The following IDI1 variants were observed in gnomAD, a reference collection of about 807,000 sequenced individuals.
The protein encoded by IDI1 is isopentenyl-diphosphate Delta-isomerase 1.
IDI1 carries 23 observed loss-of-function variants against 32.9 expected under a neutral mutation model. That is an observed-to-expected ratio of 0.70 (90% CI 0.50 to 0.99). The LOEUF (loss-of-function observed/expected upper bound fraction) is 0.99, where lower values mean the gene tolerates loss of function less well. Ranked by LOEUF, IDI1 falls within the 50% of genes least tolerant of loss-of-function variation. The pLI is 0.00. For synonymous variants in IDI1, 133 were observed against 128.2 expected, an observed-to-expected ratio of 1.04 and a Z score of -0.25; for missense variants, 326 against 351.9, an observed-to-expected ratio of 0.93 and a Z score of 0.59.
upstream of IDI1, among the ~76,000 whole-genome samples, chr10:1,049,813 C>T (rs1452241066): frequency 6.6e-6 from 1 of 152,154 alleles, no homozygotes; most frequent in Non-Finnish European, 1.5e-5. Context: ...CGCCACCACG[C>T]CCGGCTTATT....
At position 1,044,111 on chromosome 10, in the gene IDI1, G is replaced by C; in HGVS notation, c.201C>G (p.Asp67Glu). ...CTGCCAGGAGTTGAACCTGTTGCTT[G>C]TCGAGGTGGTTAGTGTTTATTTCAG... ...MMPEINTNHL[D>E]KQQVQLLAEM... The change falls in exon 2 of 5, where the codon GAC becomes GAG. Residue 67 changes from aspartate (D) to glutamate (E), a missense_variant. This residue lies in a region of IDI1 where 205 missense variants were observed against 273.5 expected (regional missense o/e 0.75). Transcript: ENST00000381344. 1.9e-6 allele frequency: 3 copies of C among 1,613,642 alleles called. No individual in the cohort carries two copies. The highest frequency in any genetic ancestry group is 1.7e-6 in the Non-Finnish European group (2 of 1,179,576).
chr10:1,056,532 C>G, the IDI1 span: 3 of 152,154 alleles, frequency 2.0e-5, no homozygotes, highest in East Asian at 5.8e-4. Context: ...GGCTGCCGGG[C>G]TACGGGGCAG....
intron 1 of IDI1, among the ~76,000 whole-genome samples, chr10:1,047,849 TAA>T (rs1431093795): frequency 6.6e-6 from 1 of 152,270 alleles, no homozygotes; most frequent in South Asian, 2.1e-4. Flanking sequence ...GTTTACAGAA[TAA>T]GTCTGTATAT....
At chr10:1,050,281 GTTTTATGTGTTGACAGATCTC>G (rs1259972378), upstream of IDI1, among the ~76,000 whole-genome samples, 2 of 152,138 alleles carry the variant, frequency 1.3e-5, no homozygotes, top group Non-Finnish European at 2.9e-5. Flanking sequence ...CTTTGATTTT[GTTTTATGTGTTGACAGATCTC>G]TTTCATGTCT....
chr10:1,051,110 G>A (rs563602205), upstream of IDI1, among the ~76,000 whole-genome samples: 16 of 152,242 alleles, frequency 1.1e-4, no homozygotes, highest in African/African-American at 3.9e-4. Context: ...TTTCCTGTGC[G>A]TGATGTTGAA....
intron 1 of IDI1, chr10:1,048,225 G>A: frequency 1.5e-6 from 2 of 1,298,546 alleles, no homozygotes; most frequent in Non-Finnish European, 2.0e-6. Flanking sequence ...ATAATCACAA[G>A]ATAAAATGAA....
intron 1 of IDI1, among the ~76,000 whole-genome samples, chr10:1,045,483 C>A (rs919511615): frequency 3.9e-5 from 6 of 152,074 alleles, no homozygotes; most frequent in Non-Finnish European, 7.4e-5. Flanking sequence ...TTTTTTGTTT[C>A]TGAGAGGGAG....
intron 1 of IDI1, among the ~76,000 whole-genome samples, chr10:1,044,548 G>A (rs564711321): frequency 1.4e-4 from 21 of 152,252 alleles, no homozygotes; most frequent in African/African-American, 5.1e-4. Flanking sequence ...GTAATCTCTA[G>A]AATGTGCTCC....
At chr10:1,052,007 G>C (rs1833026196), upstream of IDI1, among the ~76,000 whole-genome samples, 1 of 152,132 alleles carries the variant, frequency 6.6e-6, no homozygotes, top group African/African-American at 2.4e-5. Flanking sequence ...TGAGTAGCTG[G>C]CACTATGGGC....
At chr10:1,043,178 T>C (rs1012369043) in intron 3 of IDI1, 123 bp downstream of exon 3, 15 of 650,426 alleles carry the variant, frequency 2.3e-5, no homozygotes, top group African/African-American at 3.6e-5. Flanking sequence ...ACTCACTTTA[T>C]GCAGAATATA....
chr10:1,052,587 C>T (rs946186399), upstream of IDI1, among the ~76,000 whole-genome samples: 2 of 152,068 alleles, frequency 1.3e-5, no homozygotes, highest in African/African-American at 2.4e-5. Context: ...TATTTTGAAA[C>T]GAAATCTTTT....
Position 1,041,394 on chromosome 10 carries a change from T to G in IDI1, c.648A>C (p.Val216=), listed in dbSNP as rs746298905. Reference sequence around the variant, plus strand: ...TCTCATTGGGATCTGGATTCAAAGTTACATTCTTCCTCACCAACAAAATGT... The same window carrying G: ...TCTCATTGGGATCTGGATTCAAAGTGACATTCTTCCTCACCAACAAAATGT... ...IDYILLVRKN[V]TLNPDPNEIK... is the part of the protein sequence containing the mutation. Residue 216 remains valine (V), a synonymous_variant, in exon 5 of 5, where the codon GTA becomes GTC. Coordinates refer to ENST00000381344, the MANE Select transcript of IDI1 (RefSeq NM_004508.4). 1.9e-6 allele frequency: 3 copies of G among 1,612,912 alleles called. No homozygotes were observed. Among genetic ancestry groups the G allele is most frequent in the Non-Finnish European group, 2.5e-6 (3 of 1,178,948 alleles).
chr10:1,054,906 C>T, the IDI1 span, among the ~76,000 whole-genome samples: 1 of 152,184 alleles, frequency 6.6e-6, no homozygotes, highest in African/African-American at 2.4e-5. Context: ...CAGACAGACA[C>T]GGACATGGAA....
intron 4 of IDI1, among the ~76,000 whole-genome samples, chr10:1,042,029 G>A (rs2131571695): frequency 6.6e-6 from 1 of 152,076 alleles, no homozygotes; most frequent in East Asian, 1.9e-4. Context: ...GGCTGGTCTC[G>A]AACTCCTGAC....
upstream of IDI1, chr10:1,049,143 C>A (rs1832907450): frequency 1.5e-6 from 2 of 1,353,354 alleles, no homozygotes; most frequent in Non-Finnish European, 1.9e-6. Flanking sequence ...GGCTCTGGCG[C>A]CTTTAAGGGG....
At position 1,044,116 on chromosome 10, in the gene IDI1, G is replaced by A; in HGVS notation, c.196C>T (p.Leu66Phe). ...AGGAGTTGAACCTGTTGCTTGTCGAGGTGGTTAGTGTTTATTTCAGGCATC... is the reference window on the plus strand; with the variant it reads ...AGGAGTTGAACCTGTTGCTTGTCGAAGTGGTTAGTGTTTATTTCAGGCATC... ...VMMPEINTNH[L>F]DKQQVQLLAE... The change falls in exon 2 of 5, where the codon CTC (leucine) becomes TTC (phenylalanine). Residue 66 changes from leucine (L) to phenylalanine (F), a missense_variant. By Grantham distance (22) the Leu-to-Phe change is conservative (BLOSUM62 0). This residue lies in a region of IDI1 where 205 missense variants were observed against 273.5 expected (regional missense o/e 0.75). Transcript: ENST00000381344. The A allele has an allele frequency of 1.2e-6, 2 of 1,613,654 alleles. No individual in the cohort carries two copies. The highest frequency in any genetic ancestry group is 2.2e-5 in the South Asian group (2 of 91,068).
At chr10:1,050,743 G>C (rs1053346024), upstream of IDI1, among the ~76,000 whole-genome samples, 4 of 152,154 alleles carry the variant, frequency 2.6e-5, no homozygotes, top group Admixed American at 1.3e-4. Flanking sequence ...AGACACACCA[G>C]TTCACCTCAC....
intron 4 of IDI1, 51 bp from the exon 5 acceptor site, chr10:1,041,555 A>C (rs184469258): frequency 6.8e-6 from 7 of 1,028,772 alleles, no homozygotes; most frequent in Admixed American, 2.8e-5. Context: ...ACCGTAACAA[A>C]AAAAATCTAA....
rs773066093 is a variant in IDI1 at position 1,048,945 on chromosome 10, T to C, written c.59A>G (p.Gln20Arg). The change falls in exon 1 of 5, where the codon CAG becomes CGG. Residue 20 changes from glutamine to arginine, a missense_variant. Around this residue, in one of 2 missense-constraint regions of IDI1, gnomAD observed 121 missense variants for 78.4 expected, o/e 1.54. Transcript: ENST00000381344. The stretch of plus-strand genomic sequence containing the variant: ...ACAGTCTGCGGCGCGCACCGCCCAC[T>C]GGCCCCGCCCCCGGGCCGCGCAGCC... Reference protein sequence around the residue: ...AIGCAARGRGQWAVRAADCAQ... With the variant: ...AIGCAARGRGRWAVRAADCAQ... The C allele has an allele frequency of 2.9e-5, 46 of 1,578,376 alleles. No individual in the cohort carries two copies. Among genetic ancestry groups the C allele is most frequent in the Admixed American group, 2.6e-4 (15 of 56,896 alleles).
Sources: gnomAD v4.1 joint callset for allele counts (sites outside exome capture counted in the v4.1 genomes callset) on GRCh38, gnomAD v4.1.1 for gene constraint, gnomAD v4.1.1 regional missense constraint, MANE v1.5 for transcripts, NCBI Gene and HGNC (gene_info 2026-07-23, HGNC 2026-07-21) for gene names.